Variants in MAGI1 observed in about 807,000 individuals in gnomAD.
The protein encoded by MAGI1 is membrane associated guanylate kinase, WW and PDZ domain containing 1, also known as membrane-associated guanylate kinase, WW and PDZ domain-containing protein 1.
A neutral mutation model predicts 139.9 loss-of-function variants in MAGI1; 58 were observed. That is an observed-to-expected ratio of 0.41 (90% CI 0.34 to 0.52). The LOEUF is 0.52. Among genes scored for constraint, MAGI1 ranks in the 20% least tolerant of loss-of-function variants. MAGI1 has a pLI of 0.12. For missense variants in MAGI1, 1,874 were observed against 1,901.6 expected (o/e 0.99, Z 0.27); for synonymous variants, 812 against 737.9 (o/e 1.10, Z -1.63).
intron 1 of MAGI1, among the ~76,000 whole-genome samples, chr3:65,849,221 C>T (rs1575698770): frequency 6.6e-6 from 1 of 150,676 alleles, no homozygotes; most frequent in African/African-American, 2.4e-5. Flanking sequence ...GACGGGGTTT[C>T]GCCATGTTGG....
chr3:65,582,236 A>G (rs566897424), intron 2 of MAGI1, among the ~76,000 whole-genome samples: 54 of 152,344 alleles, frequency 3.5e-4, no homozygotes, highest in African/African-American at 1.3e-3. Context: ...ATAGAGAAGC[A>G]TGCAATATTT....
intron 1 of MAGI1, among the ~76,000 whole-genome samples, chr3:65,654,664 G>T (rs1410890661): frequency 1.3e-5 from 2 of 151,792 alleles, no homozygotes. Flanking sequence ...TTCATTATGG[G>T]TATAACATGA....
intron 14 of MAGI1, 116 bp from the exon 15 acceptor site, chr3:65,383,739 T>C (rs187013819): frequency 1.4e-6 from 1 of 720,466 alleles, no homozygotes; most frequent in African/African-American, 1.8e-5. Context: ...TGGAAGATTT[T>C]CAATATAGGC....
At chr3:65,871,042 G>A (rs2108487726) in intron 1 of MAGI1, among the ~76,000 whole-genome samples, 1 of 152,094 alleles carries the variant, frequency 6.6e-6, no homozygotes, top group South Asian at 2.1e-4. Flanking sequence ...GGATTCAATT[G>A]ATCCTTCCAC....
Position 65,364,693 on chromosome 3 carries a change from A to C in MAGI1, c.3323T>G (p.Phe1108Cys), listed in dbSNP as rs1941240203. 3.7e-6 allele frequency: 6 copies of C among 1,614,138 alleles called. No homozygotes were observed. Among genetic ancestry groups the C allele is most frequent in the Non-Finnish European group, 4.2e-6 (5 of 1,179,990 alleles). ...NTTKPKQESQ[F>C]EFKAPQATQE... Reference sequence around the variant, plus strand: ...TGTTGCTTGGGGTGCTTTGAACTCAAATTGAGATTCCTGCTTTGGTTTGGT... The same window carrying C: ...TGTTGCTTGGGGTGCTTTGAACTCACATTGAGATTCCTGCTTTGGTTTGGT... The change falls in exon 20 of 23, where the codon TTT (phenylalanine) becomes TGT (cysteine). Residue 1108 changes from phenylalanine to cysteine, a missense_variant. By Grantham distance (205) the Phe-to-Cys change is radical. Transcript: ENST00000402939.
intron 1 of MAGI1, among the ~76,000 whole-genome samples, chr3:65,942,316 T>C (rs1005935622): frequency 1.3e-5 from 2 of 152,160 alleles, no homozygotes; most frequent in Non-Finnish European, 2.9e-5. Flanking sequence ...TGAGAGTGAT[T>C]GGCTTTCACA....
At chr3:65,689,084 T>C (rs1281553077) in intron 1 of MAGI1, among the ~76,000 whole-genome samples, 3 of 152,208 alleles carry the variant, frequency 2.0e-5, no homozygotes, top group African/African-American at 7.2e-5. Context: ...CTAATGCAAC[T>C]TGACACTCAC....
At chr3:65,390,691 TA>T (rs2106984801) in intron 14 of MAGI1, among the ~76,000 whole-genome samples, 1 of 152,138 alleles carries the variant, frequency 6.6e-6, no homozygotes, top group African/African-American at 2.4e-5. Flanking sequence ...TTATAATGGT[TA>T]AAAAAAATTA....
chr3:65,692,792 G>C (rs34797310), intron 1 of MAGI1, among the ~76,000 whole-genome samples: 6,251 of 152,208 alleles, frequency 0.041, 188 homozygotes, highest in Middle Eastern at 0.071. Context: ...GCTGTCTCTT[G>C]TGAGCCCCCT....
At chr3:65,614,259 C>T (rs1456486994) in intron 2 of MAGI1, among the ~76,000 whole-genome samples, 1 of 152,142 alleles carries the variant, frequency 6.6e-6, no homozygotes, top group Admixed American at 6.5e-5. Flanking sequence ...GCTGGAAGGG[C>T]CTTTCCAGTG....
At chr3:65,923,618 T>C (rs902722367) in intron 1 of MAGI1, among the ~76,000 whole-genome samples, 9 of 152,140 alleles carry the variant, frequency 5.9e-5, no homozygotes, top group African/African-American at 2.2e-4. Flanking sequence ...GTATATGCCA[T>C]ATCTGAGGGA....
chr3:65,868,930 C>T (rs2059820430), intron 1 of MAGI1, among the ~76,000 whole-genome samples: 1 of 152,098 alleles, frequency 6.6e-6, no homozygotes, highest in African/African-American at 2.4e-5. Context: ...CTGACCCTGC[C>T]CTACTTTTTC....
chr3:65,974,286 G>T (rs1199877487), intron 1 of MAGI1, among the ~76,000 whole-genome samples: 1 of 150,004 alleles, frequency 6.7e-6, no homozygotes, highest in African/African-American at 2.5e-5. Context: ...AGCATAAAGA[G>T]TGAGCAAATG....
chr3:65,749,842 G>A (rs886897307), intron 1 of MAGI1, among the ~76,000 whole-genome samples: 3 of 152,072 alleles, frequency 2.0e-5, no homozygotes, highest in African/African-American at 7.2e-5. Context: ...CTCAAGATAT[G>A]TTCTGGAATC....
At chr3:65,377,947 G>A (rs1942687912) in intron 17 of MAGI1, among the ~76,000 whole-genome samples, 1 of 152,164 alleles carries the variant, frequency 6.6e-6, no homozygotes, top group Non-Finnish European at 1.5e-5. Flanking sequence ...AATGCTAAAG[G>A]GTTGTAGCAC....
chr3:65,943,711 C>T (rs970159801), intron 1 of MAGI1, among the ~76,000 whole-genome samples: 2 of 152,038 alleles, frequency 1.3e-5, no homozygotes, highest in African/African-American at 4.8e-5. Flanking sequence ...ACAGATTTCA[C>T]TACAGTCACT....
chr3:65,701,473 G>A (rs1203786012), intron 1 of MAGI1, among the ~76,000 whole-genome samples: 3 of 152,072 alleles, frequency 2.0e-5, no homozygotes, highest in Non-Finnish European at 4.4e-5. Flanking sequence ...GGCTGGTCTC[G>A]AACTCCTGAC....
intron 2 of MAGI1, among the ~76,000 whole-genome samples, chr3:65,570,082 T>C (rs199752343): frequency 3.5e-4 from 27 of 77,876 alleles, no homozygotes; most frequent in Middle Eastern, 6.2e-3. Context: ...TCATTATTAT[T>C]ATTATTATTA....
At chr3:65,602,782 G>A (rs957971793) in intron 2 of MAGI1, among the ~76,000 whole-genome samples, 3 of 151,634 alleles carry the variant, frequency 2.0e-5, no homozygotes, top group Non-Finnish European at 4.4e-5. Flanking sequence ...TTGGCAATAA[G>A]GAAAAAATAG....
Sources: allele counts gnomAD v4.1 joint callset (sites outside exome capture counted in the v4.1 genomes callset), GRCh38; gene constraint gnomAD v4.1.1; transcripts MANE v1.5; gene names NCBI Gene and HGNC (gene_info 2026-07-23, HGNC 2026-07-21).